Variants in FYTTD1 observed in about 807,000 individuals in gnomAD.
The protein encoded by FYTTD1 is UAP56-interacting factor.
A neutral mutation model predicts 40.9 loss-of-function variants in FYTTD1; 22 were observed. The observed-to-expected ratio is 0.54, with a 90% CI of 0.38 to 0.77. The LOEUF is 0.77. FYTTD1 is among the 30% of genes least tolerant of loss of function. FYTTD1 has a pLI of 0.00. For missense variants in FYTTD1, 351 were observed against 392.2 expected (o/e 0.90, Z 0.89); for synonymous variants, 140 against 137.9 (o/e 1.01, Z -0.10).
rs1187785283 is a variant in FYTTD1, at chr3:197,783,745, T to A, written c.*1836T>A. On this transcript the variant is annotated 3_prime_UTR_variant, in exon 9 of 9. Coordinates refer to ENST00000241502, the MANE Select transcript of FYTTD1 (RefSeq NM_032288.7). ...GAAAAGCAGCTGAGCTCAAGTTTGCTGTCTTTAGAATGGTTTGTGAAAATA... is the reference window on the plus strand; with the variant it reads ...GAAAAGCAGCTGAGCTCAAGTTTGCAGTCTTTAGAATGGTTTGTGAAAATA... 1.3e-5 allele frequency: 2 copies of A among 152,312 alleles called. No homozygotes were observed. Among genetic ancestry groups the A allele is most frequent in the African/African-American group, 4.8e-5 (2 of 41,464 alleles). The allele number at this position is 152,312 out of a possible 1,614,324, so 9.4% of individuals were successfully genotyped here.
At chr3:197,762,899 G>A (rs1729431656) in intron 2 of FYTTD1, among the ~76,000 whole-genome samples, 1 of 151,390 alleles carries the variant, frequency 6.6e-6, no homozygotes, top group Non-Finnish European at 1.5e-5. Flanking sequence ...AAAAACTAGT[G>A]GATACTAGGC....
chr3:197,750,599 C>G (rs1015924400), intron 1 of FYTTD1: 2 of 985,152 alleles, frequency 2.0e-6, no homozygotes, highest in African/African-American at 3.5e-5. Flanking sequence ...CAGGCCGGCG[C>G]CGGCCATGGC....
intron 6 of FYTTD1, among the ~76,000 whole-genome samples, chr3:197,774,540 G>T (rs1729814871): frequency 6.6e-6 from 1 of 150,744 alleles, no homozygotes; most frequent in Non-Finnish European, 1.5e-5. Flanking sequence ...ACACCAGCCT[G>T]AGCAGCATAG....
At chr3:197,768,726 A>T in intron 3 of FYTTD1, 139 bp downstream of exon 3, 1 of 594,942 alleles carries the variant, frequency 1.7e-6, no homozygotes, top group Non-Finnish European at 2.7e-6. Flanking sequence ...TAATATCTAA[A>T]TAAAAATCAT....
chr3:197,774,318 A>G (rs1244757073), intron 6 of FYTTD1, 108 bp downstream of exon 6: 1 of 937,216 alleles, frequency 1.1e-6, no homozygotes, highest in East Asian at 2.5e-5. Flanking sequence ...AACCCAAAAT[A>G]AAATTCAGTC....
In FYTTD1 at chr3:197,770,127, G is replaced by A. The variant is rs746091078; in HGVS notation, c.385-5G>A. ...TGATTAACATAATTTCTTGCCTTCT[G>A]ATAGAATATAGAACAATATTTTCCA... On this transcript the variant is annotated splice_region_variant and splice_polypyrimidine_tract_variant and intron_variant, in intron 3 of 8. Coordinates refer to ENST00000241502, the MANE Select transcript of FYTTD1 (RefSeq NM_032288.7). The A allele has an allele frequency of 6.5e-7, 1 of 1,549,588 alleles. No homozygotes were observed. Among genetic ancestry groups the A allele is most frequent in the South Asian group, 1.2e-5 (1 of 86,816 alleles).
At chr3:197,753,619 G>A (rs563421760) in intron 1 of FYTTD1, among the ~76,000 whole-genome samples, 3 of 151,424 alleles carry the variant, frequency 2.0e-5, no homozygotes, top group African/African-American at 4.9e-5. Flanking sequence ...GAATCCTCTC[G>A]GCCATGGTAG....
Position 197,786,378 on chromosome 3 carries a change from G to A in FYTTD1, c.*4469G>A, listed in dbSNP as rs1373101619. On this transcript the variant is annotated 3_prime_UTR_variant, in exon 9 of 9. Transcript: ENST00000241502. ...GATCTGCCTGCCTCGGCCTCCCAAA[G>A]TGCTGGGATTACAGGTGTGAGCCAC... is the stretch of plus-strand genomic sequence containing the variant. 6.6e-6 allele frequency: 1 copy of A among 152,106 alleles called. No homozygotes were observed. Among genetic ancestry groups the A allele is most frequent in the East Asian group, 1.9e-4 (1 of 5,186 alleles). The allele number at this position is 152,106 out of a possible 1,614,324, so 9.4% of individuals were successfully genotyped here. A position where few individuals can be genotyped will look rare whatever the true frequency, so the allele number is the denominator to read the frequency against.
At chr3:197,772,220 C>T (rs965986606) in intron 4 of FYTTD1, among the ~76,000 whole-genome samples, 46 of 152,204 alleles carry the variant, frequency 3.0e-4, no homozygotes, top group Non-Finnish European at 1.8e-4. Context: ...CCATCATTTA[C>T]GTGAGACTTA....
intron 7 of FYTTD1, among the ~76,000 whole-genome samples, chr3:197,778,072 G>T (rs909871595): frequency 1.4e-4 from 22 of 152,190 alleles, no homozygotes; most frequent in Admixed American, 4.6e-4. Flanking sequence ...GGACTTTAGA[G>T]GTTGCTTTAT....
At chr3:197,754,820 A>G (rs952214520) in intron 1 of FYTTD1, among the ~76,000 whole-genome samples, 1 of 152,018 alleles carries the variant, frequency 6.6e-6, no homozygotes, top group Non-Finnish European at 1.5e-5. Flanking sequence ...ACGCACCACC[A>G]TGCCTGGCTA....
chr3:197,768,028 T>C (rs776439557), intron 2 of FYTTD1, among the ~76,000 whole-genome samples: 1 of 152,250 alleles, frequency 6.6e-6, no homozygotes, highest in Non-Finnish European at 1.5e-5. Flanking sequence ...AATATTTCAC[T>C]ATATAATTTA....
chr3:197,757,844 G>T (rs887128527), intron 2 of FYTTD1, among the ~76,000 whole-genome samples: 2 of 152,180 alleles, frequency 1.3e-5, no homozygotes, highest in Non-Finnish European at 2.9e-5. Flanking sequence ...TGAACCTAAG[G>T]GAGTAAATTT....
At chr3:197,750,373 T>G in intron 1 of FYTTD1, 3 of 1,103,878 alleles carry the variant, frequency 2.7e-6, no homozygotes, top group Non-Finnish European at 2.2e-6. Flanking sequence ...GGGGCGTCTC[T>G]TCTCCCCGGA....
chr3:197,779,039 A>G (rs947688315), intron 8 of FYTTD1, among the ~76,000 whole-genome samples: 1 of 152,166 alleles, frequency 6.6e-6, no homozygotes, highest in Admixed American at 6.5e-5. Flanking sequence ...GAATTTCTCT[A>G]CATCCTCACC....
chr3:197,761,255 GT>G (rs1729379373), intron 2 of FYTTD1, among the ~76,000 whole-genome samples: 1 of 151,000 alleles, frequency 6.6e-6, no homozygotes, highest in Admixed American at 6.6e-5. Flanking sequence ...AATGTATAGA[GT>G]TGTTCTTCAA....
intron 5 of FYTTD1, among the ~76,000 whole-genome samples, chr3:197,773,923 A>G (rs1036476952): frequency 1.3e-5 from 2 of 148,926 alleles, no homozygotes; most frequent in Admixed American, 6.7e-5. Context: ...CCTCCGCAGC[A>G]CTCACGCACA....
At chr3:197,754,928 G>A (rs1729167963) in intron 1 of FYTTD1, among the ~76,000 whole-genome samples, 1 of 152,210 alleles carries the variant, frequency 6.6e-6, no homozygotes, top group Non-Finnish European at 1.5e-5. Context: ...ACCTCTAAAA[G>A]TGCTGAGGTT....
intron 6 of FYTTD1, among the ~76,000 whole-genome samples, chr3:197,775,975 A>G (rs1055431180): frequency 1.3e-5 from 2 of 152,218 alleles, no homozygotes; most frequent in Admixed American, 1.3e-4. Context: ...AGCTGACAGA[A>G]AGTGAGAGGT....
Sources: allele counts gnomAD v4.1 joint callset (sites outside exome capture counted in the v4.1 genomes callset), GRCh38; gene constraint gnomAD v4.1.1; transcripts MANE v1.5; gene names NCBI Gene and HGNC (gene_info 2026-07-23, HGNC 2026-07-21).